The following TEKT5 variants were observed in gnomAD, a reference collection of about 807,000 sequenced individuals.
The protein encoded by TEKT5 is tektin-5.
TEKT5 carries 52 observed loss-of-function variants against 48.7 expected under a neutral mutation model. The observed-to-expected ratio is 1.07, with a 90% confidence interval of 0.86 to 1.35. The LOEUF is 1.35. Ranked by LOEUF, TEKT5 falls within the 40% of genes most tolerant of loss-of-function variation. The pLI, the probability that TEKT5 is intolerant of heterozygous loss-of-function variation, is 0.00. For missense variants in TEKT5, 831 were observed against 641.6 expected, an observed-to-expected ratio of 1.30 and a Z score of -3.19; for synonymous variants, 318 against 267.6, an observed-to-expected ratio of 1.19 and a Z score of -1.84.
intron 5 of TEKT5, among the ~76,000 whole-genome samples, chr16:10,673,250 G>T (rs1596413999): frequency 6.6e-6 from 1 of 152,182 alleles, no homozygotes; most frequent in East Asian, 1.9e-4. Context: ...TTCCAGAGCA[G>T]GGGTTGTCAA....
chr16:10,657,504 G>C (rs1031788796), intron 5 of TEKT5, among the ~76,000 whole-genome samples: 5 of 152,146 alleles, frequency 3.3e-5, no homozygotes, highest in African/African-American at 1.2e-4. Context: ...AGTGAATCCA[G>C]TGCTATAACC....
rs143885275 is a variant in TEKT5 at position 10,642,288 on chromosome 16, A to G, written c.1087-6370T>C. On this transcript the variant is annotated intron_variant, in intron 5 of 6. Coordinates refer to ENST00000283025, the MANE Select transcript of TEKT5 (RefSeq NM_144674.2). ...ATGCAAAGCAACCAACCTAGAGCCC[A>G]TAGTCCAACCACCTCCTTTACTGGG... Among the ~76,000 whole-genome samples the G allele has an allele frequency of 3.4e-3, 513 of 152,326 alleles. 1 individual carries two copies. Among genetic ancestry groups the G allele is most frequent in the Non-Finnish European group, 5.5e-3 (377 of 68,024 alleles).
At chr16:10,680,520 C>T (rs550078742) in intron 4 of TEKT5, among the ~76,000 whole-genome samples, 3 of 151,566 alleles carry the variant, frequency 2.0e-5, no homozygotes, top group South Asian at 2.1e-4. Context: ...TTTCTCATCC[C>T]GAGCATCTCT....
At chr16:10,668,851 G>A (rs573869124) in intron 5 of TEKT5, among the ~76,000 whole-genome samples, 1 of 152,264 alleles carries the variant, frequency 6.6e-6, no homozygotes, top group South Asian at 2.1e-4. Context: ...CAGGGCTACA[G>A]GATCAAGTAA....
intron 6 of TEKT5, among the ~76,000 whole-genome samples, chr16:10,633,723 T>C (rs1256206063): frequency 6.6e-6 from 1 of 152,114 alleles, no homozygotes; most frequent in Non-Finnish European, 1.5e-5. Flanking sequence ...TTGTATTTTA[T>C]TTTTTAGAGA....
chr16:10,676,652 T>C (rs557923058), intron 4 of TEKT5, among the ~76,000 whole-genome samples: 46 of 152,296 alleles, frequency 3.0e-4, no homozygotes, highest in Admixed American at 7.2e-4. Flanking sequence ...TGCTTCTTCA[T>C]TGGGGTCCCT....
intron 4 of TEKT5, among the ~76,000 whole-genome samples, chr16:10,678,462 G>C (rs1898688037): frequency 6.6e-6 from 1 of 152,076 alleles, no homozygotes; most frequent in African/African-American, 2.4e-5. Context: ...AAATCATATA[G>C]CTTGTGTGAT....
At chr16:10,680,182 G>A (rs963243325) in intron 4 of TEKT5, among the ~76,000 whole-genome samples, 4 of 152,238 alleles carry the variant, frequency 2.6e-5, no homozygotes, top group Non-Finnish European at 4.4e-5. Flanking sequence ...CAGTGCCATG[G>A]AGGAGAGCAC....
intron 3 of TEKT5, among the ~76,000 whole-genome samples, chr16:10,687,204 G>A (rs760079544): frequency 2.0e-5 from 3 of 152,108 alleles, no homozygotes; most frequent in Non-Finnish European, 4.4e-5. Context: ...AAATCACTGA[G>A]CTTTTAAGTG....
intron 5 of TEKT5, among the ~76,000 whole-genome samples, chr16:10,645,768 C>T (rs1327438022): frequency 6.6e-6 from 1 of 152,164 alleles, no homozygotes; most frequent in Non-Finnish European, 1.5e-5. Flanking sequence ...CACCATTGCA[C>T]TGGACTGCAA....
At chr16:10,628,365 C>G (rs908750981) in intron 6 of TEKT5, among the ~76,000 whole-genome samples, 2 of 152,198 alleles carry the variant, frequency 1.3e-5, no homozygotes, top group African/African-American at 2.4e-5. Context: ...GGAGACCAAT[C>G]TGGAGATTCC....
chr16:10,678,829 C>T (rs1312580274), intron 4 of TEKT5, among the ~76,000 whole-genome samples: 1 of 152,208 alleles, frequency 6.6e-6, no homozygotes, highest in East Asian at 1.9e-4. Context: ...ATCACATTCT[C>T]CCTGGGGAGG....
intron 5 of TEKT5, among the ~76,000 whole-genome samples, chr16:10,643,215 T>TAA (rs747415035): frequency 7.0e-6 from 1 of 142,748 alleles, no homozygotes; most frequent in Non-Finnish European, 1.5e-5. Flanking sequence ...ACCCCATCTC[T>TAA]AAAAAAAAAA....
intron 5 of TEKT5, among the ~76,000 whole-genome samples, chr16:10,673,650 T>G (rs1339170862): frequency 3.7e-5 from 3 of 81,372 alleles, no homozygotes; most frequent in Admixed American, 1.9e-4. Context: ...CATTCTATTT[T>G]TTTTTTTTTT....
rs562562292 is a variant in TEKT5, at chr16:10,672,464, G to T, written c.1086+3495C>A. Among the ~76,000 whole-genome samples, 642 of 152,186 alleles carry T rather than the reference G, an allele frequency of 4.2e-3. 1 individual carries two copies. The highest frequency in any genetic ancestry group is 0.017 in the Middle Eastern group (5 of 294). ...AAAATTAGCTGGGGCGTGATGGCGGGGGGTGTCTGTAATCCCAGCTACTCA... is the reference window on the plus strand; with the variant it reads ...AAAATTAGCTGGGGCGTGATGGCGGTGGGTGTCTGTAATCCCAGCTACTCA... On this transcript the variant is annotated intron_variant, in intron 5 of 6. Transcript: ENST00000283025.
At chr16:10,678,050 C>A (rs1339902405) in intron 4 of TEKT5, among the ~76,000 whole-genome samples, 1 of 152,192 alleles carries the variant, frequency 6.6e-6, no homozygotes, top group Admixed American at 6.5e-5. Flanking sequence ...CTGCAACAAG[C>A]AACCAATGGA....
At chr16:10,667,895 T>G (rs1436816351) in intron 5 of TEKT5, among the ~76,000 whole-genome samples, 1 of 143,906 alleles carries the variant, frequency 6.9e-6, no homozygotes, top group Non-Finnish European at 1.5e-5. Flanking sequence ...TTTTTTTTTT[T>G]GAGATGGAGA....
chr16:10,659,360 T>C (rs1316309884), intron 5 of TEKT5, among the ~76,000 whole-genome samples: 1 of 152,244 alleles, frequency 6.6e-6, no homozygotes, highest in African/African-American at 2.4e-5. Context: ...TGTTCTTTGC[T>C]GTGTTATACC....
chr16:10,630,470 G>C (rs1467519400), intron 6 of TEKT5, among the ~76,000 whole-genome samples: 2 of 152,146 alleles, frequency 1.3e-5, no homozygotes, highest in Non-Finnish European at 2.9e-5. Flanking sequence ...CAAACTCCTG[G>C]GCTTAAGTGA....
Sources: gnomAD v4.1 joint callset for allele counts (sites outside exome capture counted in the v4.1 genomes callset) on GRCh38, gnomAD v4.1.1 for gene constraint, MANE v1.5 for transcripts, NCBI Gene and HGNC (gene_info 2026-07-23, HGNC 2026-07-21) for gene names.